TBC1D22A: variants seen among roughly 807,000 people sequenced by gnomAD.
TBC1D22A encodes the protein putative GTPase activator.
A neutral mutation model predicts 60.2 loss-of-function variants in TBC1D22A; 38 were observed. That is an observed-to-expected ratio of 0.63 (90% CI 0.49 to 0.83). The LOEUF is 0.83. Ranked by LOEUF, TBC1D22A falls within the 40% of genes least tolerant of loss-of-function variation. TBC1D22A has a pLI of 0.00. For missense variants in TBC1D22A, 628 were observed against 701.0 expected (o/e 0.90, Z 1.18); for synonymous variants, 302 against 281.7 (o/e 1.07, Z -0.72).
intron 8 of TBC1D22A, among the ~76,000 whole-genome samples, chr22:46,931,828 T>C (rs2071368451): frequency 6.6e-6 from 1 of 152,240 alleles, no homozygotes; most frequent in Non-Finnish European, 1.5e-5. Context: ...GTTTTCTCCA[T>C]TCCTGGCTGC....
intron 10 of TBC1D22A, 80 bp downstream of exon 10, chr22:46,997,789 CT>C: frequency 7.4e-7 from 1 of 1,346,134 alleles, no homozygotes; most frequent in Non-Finnish European, 1.1e-6. Flanking sequence ...GGGAGCTGTC[CT>C]CATCCGCCGG....
intron 7 of TBC1D22A, among the ~76,000 whole-genome samples, chr22:46,906,223 G>T (rs1421529718): frequency 6.6e-6 from 1 of 152,192 alleles, no homozygotes; most frequent in Non-Finnish European, 1.5e-5. Flanking sequence ...AATCGTATAT[G>T]TTTTCTTACT....
chr22:46,769,526 T>G (rs1199338286), intron 1 of TBC1D22A, among the ~76,000 whole-genome samples: 1 of 152,150 alleles, frequency 6.6e-6, no homozygotes, highest in African/African-American at 2.4e-5. Context: ...AATGCTCATG[T>G]CCTCCTTACA....
chr22:46,965,495 C>G (rs1044976302), intron 8 of TBC1D22A, among the ~76,000 whole-genome samples: 2 of 152,240 alleles, frequency 1.3e-5, no homozygotes, highest in African/African-American at 4.8e-5. Context: ...CGTGCTTTGT[C>G]AGATTGTTTT....
intron 3 of TBC1D22A, among the ~76,000 whole-genome samples, chr22:46,795,583 C>T (rs764580548): frequency 2.0e-5 from 3 of 152,240 alleles, no homozygotes; most frequent in Non-Finnish European, 4.4e-5. Context: ...CACTTGCCTG[C>T]CTTGGAGTTG....
chr22:46,794,428 T>C (rs1171517772), intron 3 of TBC1D22A, among the ~76,000 whole-genome samples: 1 of 152,230 alleles, frequency 6.6e-6, no homozygotes, highest in African/African-American at 2.4e-5. Flanking sequence ...ATGGCACTGG[T>C]GTGCAGCAGC....
intron 12 of TBC1D22A, among the ~76,000 whole-genome samples, chr22:47,123,029 A>T (rs1391974603): frequency 6.6e-6 from 1 of 152,168 alleles, no homozygotes; most frequent in African/African-American, 2.4e-5. Context: ...GAGATTTATC[A>T]TTTCTAGTTT....
intron 9 of TBC1D22A, among the ~76,000 whole-genome samples, chr22:46,975,304 G>C (rs2074253039): frequency 6.6e-6 from 1 of 152,118 alleles, no homozygotes; most frequent in Non-Finnish European, 1.5e-5. Context: ...GGGGACAGAA[G>C]GCACTCGACC....
chr22:46,898,519 C>G (rs1401904462), intron 7 of TBC1D22A, among the ~76,000 whole-genome samples: 2 of 101,752 alleles, frequency 2.0e-5, no homozygotes, highest in Non-Finnish European at 3.8e-5. Flanking sequence ...CTTTGTCTGG[C>G]TCAGTGAATC....
chr22:46,992,545 C>T (rs2074984654), intron 9 of TBC1D22A, among the ~76,000 whole-genome samples: 1 of 152,242 alleles, frequency 6.6e-6, no homozygotes, highest in African/African-American at 2.4e-5. Context: ...CGGGGACCGG[C>T]CTTGCAAGCA....
intron 8 of TBC1D22A, among the ~76,000 whole-genome samples, chr22:46,941,691 C>CGCGGAATATATATACGGAATATATATAA (rs2072125573): frequency 1.5e-5 from 1 of 66,218 alleles, no homozygotes; most frequent in African/African-American, 8.6e-5. Context: ...AATATATATA[C>CGCGGAATATATATACGGAATATATATAA]GCGGATTATA....
intron 10 of TBC1D22A, among the ~76,000 whole-genome samples, chr22:47,026,254 T>G (rs895769372): frequency 2.1e-4 from 32 of 152,344 alleles, no homozygotes; most frequent in African/African-American, 7.0e-4. Flanking sequence ...ATGTTCGATG[T>G]TTAAACCCAT....
chr22:46,876,527 G>T (rs57689440), intron 4 of TBC1D22A, among the ~76,000 whole-genome samples: 1 of 152,152 alleles, frequency 6.6e-6, no homozygotes, highest in Non-Finnish European at 1.5e-5. Flanking sequence ...CTCTGTTGGC[G>T]TCATTCCTCA....
chr22:46,968,131 T>C (rs931118726), intron 8 of TBC1D22A, among the ~76,000 whole-genome samples: 2 of 152,142 alleles, frequency 1.3e-5, no homozygotes, highest in African/African-American at 2.4e-5. Context: ...GTGGCATGGC[T>C]GCGGGGTTGT....
intron 12 of TBC1D22A, among the ~76,000 whole-genome samples, chr22:47,159,985 A>G (rs191105727): frequency 2.0e-5 from 3 of 151,992 alleles, no homozygotes; most frequent in East Asian, 3.9e-4. Flanking sequence ...GGTGACTCAC[A>G]CACACCCCAC....
intron 11 of TBC1D22A, among the ~76,000 whole-genome samples, chr22:47,086,254 C>T (rs775764539): frequency 7.4e-4 from 113 of 152,186 alleles, no homozygotes; most frequent in Non-Finnish European, 1.4e-3. Flanking sequence ...CATCTGAGGT[C>T]GGGAGTTTGA....
chr22:47,038,848 G>A (rs546391816), intron 11 of TBC1D22A, among the ~76,000 whole-genome samples: 1 of 152,338 alleles, frequency 6.6e-6, no homozygotes, highest in South Asian at 2.1e-4. Flanking sequence ...CTGGCCAGCA[G>A]CATTTGCTGG....
chr22:46,764,391 T>A, intron 1 of TBC1D22A: 1 of 152,242 alleles, frequency 6.6e-6, no homozygotes, highest in East Asian at 1.9e-4. Flanking sequence ...CATGACAGTG[T>A]AACTTTTATG....
rs183359760 is a variant in TBC1D22A at position 46,999,736 on chromosome 22, G to C, written c.1201+2027G>C. 4.5e-4 allele frequency among the ~76,000 whole-genome samples: 68 copies of C among 152,260 alleles called. No homozygotes were observed. In the East Asian group the frequency reaches 0.011, roughly 26 times the overall value. On this transcript the variant is annotated intron_variant, in intron 10 of 12. Transcript: ENST00000337137. ...AAAAAATTGCTTAAAGAAAAAAAAA[G>C]CTTCTCAGGCCGGGCGCGGTGGCTC...
Sources: gnomAD v4.1 joint callset for allele counts (sites outside exome capture counted in the v4.1 genomes callset) on GRCh38, gnomAD v4.1.1 for gene constraint, MANE v1.5 for transcripts, NCBI Gene and HGNC (gene_info 2026-07-23, HGNC 2026-07-21) for gene names.